SAMD3: variants seen among roughly 807,000 people sequenced by gnomAD.
SAMD3 encodes sterile alpha motif domain containing 3, also known as sterile alpha motif domain-containing protein 3.
Under a neutral mutation model 58.5 loss-of-function variants are expected in SAMD3, and 63 were observed. The observed-to-expected ratio is 1.08, with a 90% CI of 0.88 to 1.33. The LOEUF (loss-of-function observed/expected upper bound fraction) is 1.33, where lower values mean the gene tolerates loss of function less well. SAMD3 is among the 40% of genes most tolerant of loss of function. The pLI, the probability that SAMD3 is intolerant of heterozygous loss-of-function variation, is 0.00. For missense variants in SAMD3, 604 were observed against 608.4 expected (o/e 0.99, Z 0.08); for synonymous variants, 220 against 210.3 (o/e 1.05, Z -0.40).
rs1029991088 is a variant in SAMD3, at chr6:130,186,937, A to T, written c.384-2314T>A. On this transcript the variant is annotated intron_variant, in intron 5 of 11. Coordinates refer to ENST00000439090, the MANE Select transcript of SAMD3 (RefSeq NM_001017373.4). ...AGGCGCATGCCACCGTGCCTGGCTA[A>T]TTTTTTTTATTTTTAGTATAGACAG... Among the ~76,000 whole-genome samples the T allele has an allele frequency of 6.0e-5, 9 of 150,924 alleles. No individual in the cohort carries two copies. The East Asian group carries it at 1.7e-3, about 29-fold the overall frequency.
At chr6:130,277,846 G>A (rs1235000071) in intron 2 of SAMD3, among the ~76,000 whole-genome samples, 2 of 152,128 alleles carry the variant, frequency 1.3e-5, no homozygotes, top group African/African-American at 2.4e-5. Flanking sequence ...GTTCATTCCT[G>A]GGTGTAGGGT....
chr6:130,214,339 T>C lies in SAMD3; in HGVS notation c.267A>G (p.Arg89=), dbSNP rs774663047. 1 of 1,589,870 alleles carries C rather than the reference T, an allele frequency of 6.3e-7. No homozygotes were observed. The highest frequency in any genetic ancestry group is 8.5e-7 in the Non-Finnish European group (1 of 1,170,394). The change falls in exon 4 of 12, where the codon CGA becomes CGG. Residue 89 remains arginine (R), a splice_region_variant and synonymous_variant. Coordinates refer to ENST00000439090, the MANE Select transcript of SAMD3 (RefSeq NM_001017373.4). ...AGGCCATTTATGAACATACTCACTC[T>C]CGAGCTGCTTCTGTTTGCATGACCA... ...AALVMQTEAA[R]DYRDEESSSP... is the part of the protein sequence containing the mutation.
intron 2 of SAMD3, among the ~76,000 whole-genome samples, chr6:130,237,730 A>T (rs760794162): frequency 2.6e-5 from 4 of 152,166 alleles, no homozygotes; most frequent in African/African-American, 7.2e-5. Context: ...ACTACTCGTA[A>T]GTGTCTTAAC....
At chr6:130,165,720 A>G (rs940318574) in intron 8 of SAMD3, among the ~76,000 whole-genome samples, 4 of 152,146 alleles carry the variant, frequency 2.6e-5, no homozygotes, top group Non-Finnish European at 4.4e-5. Context: ...TGATAGCTCT[A>G]CCGGCTGAAA....
At chr6:130,252,233 AT>A (rs1194972100) in intron 2 of SAMD3, among the ~76,000 whole-genome samples, 1 of 152,046 alleles carries the variant, frequency 6.6e-6, no homozygotes, top group Admixed American at 6.6e-5. Context: ...TTGATTACTG[AT>A]TTTGAAGGGT....
intron 2 of SAMD3, among the ~76,000 whole-genome samples, chr6:130,300,269 G>C (rs1011653991): frequency 6.6e-6 from 1 of 152,020 alleles, no homozygotes; most frequent in African/African-American, 2.4e-5. Flanking sequence ...ACAATCAAGA[G>C]GGTTTTATTC....
At chr6:130,220,629 T>C (rs1796181483) in intron 1 of SAMD3, among the ~76,000 whole-genome samples, 1 of 152,210 alleles carries the variant, frequency 6.6e-6, no homozygotes, top group African/African-American at 2.4e-5. Flanking sequence ...AATTTATAAA[T>C]TCCAATTAAT....
At chr6:130,208,465 A>G (rs185397531) in intron 5 of SAMD3, among the ~76,000 whole-genome samples, 2 of 152,244 alleles carry the variant, frequency 1.3e-5, no homozygotes, top group Admixed American at 6.5e-5. Flanking sequence ...GCAAGGTTTC[A>G]TCTGTATTTA....
intron 2 of SAMD3, among the ~76,000 whole-genome samples, chr6:130,280,527 A>C (rs1257470650): frequency 6.6e-6 from 1 of 152,140 alleles, no homozygotes; most frequent in East Asian, 1.9e-4. Context: ...TTCTATGTCT[A>C]GCCTCTCCTC....
intron 1 of SAMD3, among the ~76,000 whole-genome samples, chr6:130,362,732 A>C (rs1430829411): frequency 6.6e-6 from 1 of 152,232 alleles, no homozygotes; most frequent in African/African-American, 2.4e-5. Context: ...ATAAATATTT[A>C]AGTAGTCGTA....
intron 3 of SAMD3, 97 bp downstream of exon 3, chr6:130,215,098 C>T: frequency 1.5e-6 from 1 of 658,140 alleles, no homozygotes; most frequent in Non-Finnish European, 2.7e-6. Context: ...TTGACATGCA[C>T]ACAGACATTT....
chr6:130,290,186 G>A (rs1013871501), intron 2 of SAMD3, among the ~76,000 whole-genome samples: 1 of 152,098 alleles, frequency 6.6e-6, no homozygotes, highest in Non-Finnish European at 1.5e-5. Flanking sequence ...ATTCAAGAGA[G>A]AATTTATTTT....
intron 1 of SAMD3, among the ~76,000 whole-genome samples, chr6:130,348,634 C>A (rs1311681078): frequency 1.3e-5 from 2 of 152,200 alleles, no homozygotes; most frequent in Non-Finnish European, 2.9e-5. Flanking sequence ...TAATGGGAGA[C>A]TTTAACACCC....
intron 8 of SAMD3, among the ~76,000 whole-genome samples, chr6:130,169,097 C>T (rs1790989538): frequency 6.6e-6 from 1 of 152,096 alleles, no homozygotes; most frequent in African/African-American, 2.4e-5. Context: ...TAATGAGCCA[C>T]CATGCCTGGC....
intron 1 of SAMD3, among the ~76,000 whole-genome samples, chr6:130,360,302 A>T (rs1777946565): frequency 6.6e-6 from 1 of 152,212 alleles, no homozygotes; most frequent in Non-Finnish European, 1.5e-5. Context: ...AGTATCGGGG[A>T]ACCTGCCCCA....
chr6:130,179,483 A>G (rs377683157), intron 7 of SAMD3, among the ~76,000 whole-genome samples: 1 of 152,092 alleles, frequency 6.6e-6, no homozygotes, highest in African/African-American at 2.4e-5. Context: ...CCACAGCATC[A>G]CGAGCAGATC....
At chr6:130,192,687 G>T (rs1466000157) in intron 5 of SAMD3, among the ~76,000 whole-genome samples, 2 of 152,146 alleles carry the variant, frequency 1.3e-5, no homozygotes, top group Non-Finnish European at 2.9e-5. Flanking sequence ...CTGTTTGGTG[G>T]TCTCTTCACA....
chr6:130,279,296 G>A (rs2114947556), intron 2 of SAMD3, among the ~76,000 whole-genome samples: 1 of 152,050 alleles, frequency 6.6e-6, no homozygotes, highest in Admixed American at 6.6e-5. Context: ...GAATCATGGG[G>A]GCGGTTTTCC....
intron 1 of SAMD3, among the ~76,000 whole-genome samples, chr6:130,321,115 T>C (rs1425085246): frequency 1.3e-5 from 2 of 152,284 alleles, no homozygotes; most frequent in African/African-American, 4.8e-5. Context: ...TTGTAGCAAA[T>C]AGAATGCAAT....
Sources: gnomAD v4.1 joint callset for allele counts (sites outside exome capture counted in the v4.1 genomes callset) on GRCh38, gnomAD v4.1.1 for gene constraint, MANE v1.5 for transcripts, NCBI Gene and HGNC (gene_info 2026-07-23, HGNC 2026-07-21) for gene names.